SBNO2: variants seen among roughly 807,000 people sequenced by gnomAD.
SBNO2 encodes the protein strawberry notch homolog 2, also known as protein strawberry notch homolog 2.
Under a neutral mutation model 146.3 loss-of-function variants are expected in SBNO2, and 89 were observed. That is an observed-to-expected ratio of 0.61 (90% CI 0.51 to 0.73). The LOEUF (loss-of-function observed/expected upper bound fraction) is 0.73, where lower values mean the gene tolerates loss of function less well. SBNO2 is among the 30% of genes least tolerant of loss of function. The pLI is 0.00. For synonymous variants in SBNO2, 1,147 were observed against 892.6 expected, an observed-to-expected ratio of 1.29 and a Z score of -5.08; for missense variants, 2,092 against 2,003.7, an observed-to-expected ratio of 1.04 and a Z score of -0.84.
At chr19:1,151,473 T>C (rs1020548703) in intron 2 of SBNO2, among the ~76,000 whole-genome samples, 5 of 152,132 alleles carry the variant, frequency 3.3e-5, no homozygotes, top group African/African-American at 1.2e-4. Flanking sequence ...AGACCTGCCA[T>C]CCACACACAC....
intron 4 of SBNO2, among the ~76,000 whole-genome samples, chr19:1,131,525 T>C (rs1341447261): frequency 6.6e-6 from 1 of 152,090 alleles, no homozygotes. Flanking sequence ...CAGAACTGAC[T>C]CCAGACCTGA....
intron 4 of SBNO2, among the ~76,000 whole-genome samples, chr19:1,143,656 T>C (rs998959913): frequency 2.0e-5 from 3 of 152,066 alleles, no homozygotes; most frequent in South Asian, 2.1e-4. Flanking sequence ...GGGCCCCTTC[T>C]TCCCCCTTCA....
At chr19:1,160,882 T>C (rs1332635245) in intron 1 of SBNO2, among the ~76,000 whole-genome samples, 2 of 151,568 alleles carry the variant, frequency 1.3e-5, no homozygotes, top group South Asian at 2.1e-4. Flanking sequence ...CACTAGACTG[T>C]GGCCAGGGAA....
intron 17 of SBNO2, chr19:1,115,807 GCTGT>G (rs2145204089): frequency 1.7e-6 from 1 of 599,828 alleles, no homozygotes; most frequent in Non-Finnish European, 3.0e-6. Flanking sequence ...TGTCCTTCAG[GCTGT>G]CTGTTGCTTC....
At chr19:1,135,037 CTCTG>C (rs1025798153) in intron 4 of SBNO2, among the ~76,000 whole-genome samples, 1 of 108,504 alleles carries the variant, frequency 9.2e-6, no homozygotes, top group Non-Finnish European at 1.8e-5. Flanking sequence ...CAGAGCAAGA[CTCTG>C]TCTCAAAAAA....
chr19:1,167,536 C>G (rs2145356110), intron 1 of SBNO2, among the ~76,000 whole-genome samples: 1 of 152,362 alleles, frequency 6.6e-6, no homozygotes, highest in South Asian at 2.1e-4. Flanking sequence ...TCACGCCATC[C>G]CTCCCTCCTA....
intron 24 of SBNO2, 59 bp downstream of exon 24, chr19:1,111,447 G>A: frequency 8.4e-7 from 1 of 1,194,054 alleles, no homozygotes; most frequent in Admixed American, 2.0e-5. Context: ...AGCTGCTCTG[G>A]AGCCCAGTGC....
intron 1 of SBNO2, among the ~76,000 whole-genome samples, chr19:1,159,281 C>T (rs1459088802): frequency 6.6e-6 from 1 of 151,812 alleles, no homozygotes; most frequent in Non-Finnish European, 1.5e-5. Context: ...GGCCCCAACT[C>T]GGCCGCCAGG....
At chr19:1,141,924 T>C (rs2086167562) in intron 4 of SBNO2, among the ~76,000 whole-genome samples, 1 of 152,052 alleles carries the variant, frequency 6.6e-6, no homozygotes, top group Admixed American at 6.6e-5. Flanking sequence ...TGCCCAGTCC[T>C]GACTCAAACA....
chr19:1,149,759 C>T (rs1019906446), intron 2 of SBNO2, among the ~76,000 whole-genome samples: 23 of 152,226 alleles, frequency 1.5e-4, no homozygotes, highest in African/African-American at 5.3e-4. Flanking sequence ...GCATCTCACA[C>T]AAGACCTGGG....
intron 17 of SBNO2, among the ~76,000 whole-genome samples, chr19:1,114,755 C>T (rs751602199): frequency 6.6e-6 from 1 of 152,206 alleles, no homozygotes; most frequent in Non-Finnish European, 1.5e-5. Flanking sequence ...CTGCCTCAGC[C>T]TCCTGAGTAG....
rs115939743 is a variant in SBNO2, at chr19:1,131,480, C to T, written c.280-3715G>A. On this transcript the variant is annotated intron_variant, in intron 4 of 31. Coordinates refer to ENST00000361757, the MANE Select transcript of SBNO2 (RefSeq NM_014963.3). The stretch of plus-strand genomic sequence containing the variant: ...GCTTCAAAAGCAGCAGACACAGCTC[C>T]TCCTGCCCTGGGCAGCCAACTCCAG... Among the ~76,000 whole-genome samples the T allele has an allele frequency of 7.9e-4, 120 of 152,306 alleles. 2 individuals are homozygous for T. Among genetic ancestry groups the T allele is most frequent in the African/African-American group, 2.8e-3 (117 of 41,552 alleles).
At chr19:1,152,142 C>T (rs1244017259) in intron 2 of SBNO2, among the ~76,000 whole-genome samples, 2 of 152,338 alleles carry the variant, frequency 1.3e-5, no homozygotes, top group South Asian at 4.1e-4. Flanking sequence ...GTTACGCGCA[C>T]GGGTGCGCCC....
chr19:1,124,854 T>C (rs2079947226), intron 5 of SBNO2, among the ~76,000 whole-genome samples: 1 of 152,032 alleles, frequency 6.6e-6, no homozygotes. Context: ...CCGAACTGAC[T>C]GGGCGTGTAA....
chr19:1,128,489 TGCAA>T (rs944999360), intron 4 of SBNO2, among the ~76,000 whole-genome samples: 3 of 151,714 alleles, frequency 2.0e-5, no homozygotes, highest in African/African-American at 7.3e-5. Context: ...GCCTCCCAGG[TGCAA>T]GCGATTCTCC....
intron 4 of SBNO2, chr19:1,128,306 C>T (rs776022148): frequency 5.4e-5 from 21 of 392,014 alleles, no homozygotes; most frequent in Non-Finnish European, 1.0e-4. Context: ...GAGGCAGGGG[C>T]GGGGGCAGCC....
chr19:1,123,311 T>C (rs559687919), intron 7 of SBNO2, among the ~76,000 whole-genome samples: 2 of 152,002 alleles, frequency 1.3e-5, no homozygotes, highest in African/African-American at 4.8e-5. Context: ...GGCAAATGCA[T>C]AAAAATCCTC....
At position 1,122,284 on chromosome 19, in the gene SBNO2, TG is replaced by T; in HGVS notation, c.1006-3del. ...GGTAGTGGTGTCACCGTACTTGATCTGGGGATGCACAGAACAGGTGTGGAAT... is the reference window on the plus strand; with the variant it reads ...GGTAGTGGTGTCACCGTACTTGATCTGGGATGCACAGAACAGGTGTGGAAT... On this transcript the variant is annotated splice_region_variant and splice_polypyrimidine_tract_variant and intron_variant, in intron 10 of 31. Coordinates refer to ENST00000361757, the MANE Select transcript of SBNO2 (RefSeq NM_014963.3). 6.4e-7 allele frequency: 1 copy of T among 1,558,604 alleles called. No homozygotes were observed. Among genetic ancestry groups the T allele is most frequent in the Non-Finnish European group, 8.7e-7 (1 of 1,150,976 alleles).
intron 12 of SBNO2, 79 bp from the exon 13 acceptor site, chr19:1,119,700 A>G (rs7249751): frequency 0.52 from 659,170 of 1,271,350 alleles, 172,897 homozygotes; most frequent in East Asian, 0.6. Flanking sequence ...AGTTGGGACC[A>G]CCCGACGAGG....
Sources: allele counts gnomAD v4.1 joint callset (sites outside exome capture counted in the v4.1 genomes callset), GRCh38; gene constraint gnomAD v4.1.1; transcripts MANE v1.5; gene names NCBI Gene and HGNC (gene_info 2026-07-23, HGNC 2026-07-21).